MORC1: variants seen among roughly 807,000 people sequenced by gnomAD.
MORC1 encodes the protein MORC family CW-type zinc finger 1.
A neutral mutation model predicts 134.9 loss-of-function variants in MORC1; 59 were observed. That is an observed-to-expected ratio of 0.44 (90% confidence interval 0.35 to 0.54). The LOEUF (loss-of-function observed/expected upper bound fraction) is 0.54. Among genes scored for constraint, MORC1 ranks in the 20% least tolerant of loss-of-function variants. The pLI, the probability that MORC1 is intolerant of heterozygous loss-of-function variation, is 0.00. For missense variants in MORC1, 947 were observed against 1,134.5 expected (o/e 0.83, Z 2.37); for synonymous variants, 395 against 391.7 (o/e 1.01, Z -0.10).
At chr3:109,016,578 C>T (rs1475309607) in intron 17 of MORC1, among the ~76,000 whole-genome samples, 1 of 152,050 alleles carries the variant, frequency 6.6e-6, no homozygotes, top group Non-Finnish European at 1.5e-5. Flanking sequence ...GAAAAAGGTC[C>T]CAGGCCGGGC....
chr3:109,031,090 C>A (rs1949231238), intron 16 of MORC1, among the ~76,000 whole-genome samples: 1 of 152,086 alleles, frequency 6.6e-6, no homozygotes, highest in Admixed American at 6.6e-5. Flanking sequence ...TGAGTCTGTG[C>A]CAATGCAGGG....
intron 14 of MORC1, among the ~76,000 whole-genome samples, chr3:109,042,832 G>A (rs1482803787): frequency 6.6e-6 from 1 of 152,038 alleles, no homozygotes; most frequent in African/African-American, 2.4e-5. Flanking sequence ...GGCACTGAAA[G>A]ACAAATACTG....
In MORC1 at chr3:109,032,959, T is replaced by C. The variant is rs575286367; in HGVS notation, c.1460-134A>G. On this transcript the variant is annotated intron_variant, in intron 15 of 27. Coordinates refer to ENST00000232603, the MANE Select transcript of MORC1 (RefSeq NM_014429.4). ...CAACTGAATCCTTCATCATATACCA[T>C]TATTCTTGATGACACATCTATTCTA... 1.4e-4 allele frequency: 95 copies of C among 659,212 alleles called. No homozygotes were observed. In the Middle Eastern group the frequency reaches 1.7e-3, roughly 12 times the overall value. 40.8% of individuals were successfully genotyped at this position (659,212 alleles called of 1,614,324 possible).
chr3:109,072,052 A>G (rs1950330928), intron 8 of MORC1, among the ~76,000 whole-genome samples: 1 of 152,152 alleles, frequency 6.6e-6, no homozygotes, highest in South Asian at 2.1e-4. Flanking sequence ...GAAGGGTACT[A>G]CCTCTTATTT....
chr3:109,102,414 C>A (rs969883258), intron 4 of MORC1, among the ~76,000 whole-genome samples: 1 of 151,854 alleles, frequency 6.6e-6, no homozygotes, highest in African/African-American at 2.4e-5. Context: ...GGAAAATGTA[C>A]ATTAAAAGAA....
intron 17 of MORC1, among the ~76,000 whole-genome samples, chr3:109,018,276 T>C (rs1452918252): frequency 6.6e-6 from 1 of 152,148 alleles, no homozygotes; most frequent in African/African-American, 2.4e-5. Context: ...TTACTTCACT[T>C]GGGACCTGGA....
intron 18 of MORC1, 102 bp from the exon 19 acceptor site, chr3:109,005,417 C>T: frequency 8.9e-7 from 1 of 1,123,702 alleles, no homozygotes; most frequent in South Asian, 2.2e-5. Context: ...TTTCTTATTA[C>T]TACTAAAAAG....
Position 109,057,555 on chromosome 3 carries a change from A to G in MORC1, c.1032-69T>C, listed in dbSNP as rs935241297. 8.0e-6 allele frequency: 11 copies of G among 1,368,284 alleles called. No individual in the cohort carries two copies. The East Asian group carries it at 2.0e-4, about 25-fold the overall frequency. The allele number at this position is 1,368,284 out of a possible 1,614,324, so 84.8% of individuals were successfully genotyped here. Reference sequence around the variant, plus strand: ...AACATACACAGTTTAGGAAACTGCTAATAATTAAACTAGAAGGTTAACGTC... The same window carrying G: ...AACATACACAGTTTAGGAAACTGCTGATAATTAAACTAGAAGGTTAACGTC... On this transcript the variant is annotated intron_variant, in intron 12 of 27. Transcript: ENST00000232603.
chr3:109,059,600 C>A (rs1031254), intron 12 of MORC1, among the ~76,000 whole-genome samples: 1 of 151,838 alleles, frequency 6.6e-6, no homozygotes, highest in Non-Finnish European at 1.5e-5. Flanking sequence ...TGTAGACACA[C>A]GTGTACGTGC....
chr3:109,057,571 G>A, intron 12 of MORC1, 85 bp from the exon 13 acceptor site: 3 of 1,270,028 alleles, frequency 2.4e-6, no homozygotes, highest in Non-Finnish European at 3.2e-6. Context: ...TAAACTAGAA[G>A]GTTAACGTCA....
chr3:108,973,930 G>A (rs547142708), intron 24 of MORC1, among the ~76,000 whole-genome samples: 2 of 152,150 alleles, frequency 1.3e-5, no homozygotes, highest in South Asian at 2.1e-4. Context: ...CTAGAATTGT[G>A]CTAAGCACTG....
intron 24 of MORC1, among the ~76,000 whole-genome samples, chr3:108,978,711 T>C (rs751792665): frequency 5.0e-4 from 76 of 152,278 alleles, no homozygotes; most frequent in Non-Finnish European, 7.5e-4. Flanking sequence ...TTCAGGAAGA[T>C]CATGTCAATC....
At chr3:109,031,076 G>C (rs901114560) in intron 16 of MORC1, among the ~76,000 whole-genome samples, 5 of 152,122 alleles carry the variant, frequency 3.3e-5, no homozygotes, top group Non-Finnish European at 7.3e-5. Flanking sequence ...TTTTCAGAAG[G>C]GGGTGAGTCT....
intron 3 of MORC1, among the ~76,000 whole-genome samples, chr3:109,105,591 A>T (rs1035666220): frequency 7.9e-5 from 12 of 151,904 alleles, no homozygotes; most frequent in African/African-American, 2.7e-4. Flanking sequence ...GAACAGGAGG[A>T]TCACTTGAGC....
chr3:109,045,600 T>G (rs2107647106), intron 14 of MORC1, among the ~76,000 whole-genome samples: 1 of 152,238 alleles, frequency 6.6e-6, no homozygotes, highest in African/African-American at 2.4e-5. Context: ...CCCTGTTTGT[T>G]TTTCACTTCC....
chr3:109,108,175 T>G (rs567994199), intron 3 of MORC1, among the ~76,000 whole-genome samples: 2 of 151,958 alleles, frequency 1.3e-5, no homozygotes, highest in Admixed American at 1.3e-4. Flanking sequence ...GGCAACAGAG[T>G]GAGACTCCAT....
intron 26 of MORC1, among the ~76,000 whole-genome samples, chr3:108,967,800 C>T (rs560668120): frequency 6.7e-6 from 1 of 149,162 alleles, no homozygotes; most frequent in Admixed American, 6.7e-5. Flanking sequence ...TCAGCCTGGG[C>T]AATGTAGCAA....
intron 17 of MORC1, among the ~76,000 whole-genome samples, 187 bp downstream of exon 17, chr3:109,027,564 A>T (rs1355521220): frequency 6.8e-6 from 1 of 147,716 alleles, no homozygotes; most frequent in Non-Finnish European, 1.5e-5. Context: ...CATATACAGT[A>T]TTTTTTTTTT....
At chr3:109,064,191 T>C (rs935180306) in intron 9 of MORC1, among the ~76,000 whole-genome samples, 3 of 152,186 alleles carry the variant, frequency 2.0e-5, no homozygotes, top group Non-Finnish European at 4.4e-5. Context: ...AAGATATTTA[T>C]TAAACTTCTA....
Sources: allele counts gnomAD v4.1 joint callset (sites outside exome capture counted in the v4.1 genomes callset), GRCh38; gene constraint gnomAD v4.1.1; transcripts MANE v1.5; gene names NCBI Gene and HGNC (gene_info 2026-07-23, HGNC 2026-07-21).